The following HMX1 variants were observed in gnomAD, a reference collection of about 807,000 sequenced individuals.
HMX1 encodes H6 family homeobox 1, also known as homeobox protein HMX1.
Under a neutral mutation model 8.9 loss-of-function variants are expected in HMX1, and 8 were observed. The ratio of observed to expected loss-of-function variants is 0.90; its 90% CI spans 0.53 to 1.63. The LOEUF (loss-of-function observed/expected upper bound fraction) is 1.63. HMX1 is among the 40% of genes most tolerant of loss of function. The pLI is 0.00. For missense variants in HMX1, 621 were observed against 558.5 expected (o/e 1.11, Z -1.13); for synonymous variants, 311 against 283.4 (o/e 1.10, Z -0.98).
At chr4:8,846,160 A>G (rs1024855483) in exon 2 of HMX1, 5 of 1,098,300 alleles carry the variant, frequency 4.6e-6, no homozygotes, top group Non-Finnish European at 6.6e-6. Flanking sequence ...TCGGGGGTCC[A>G]GGCTGACAAA....
intron 1 of HMX1, among the ~76,000 whole-genome samples, chr4:8,869,815 A>G (rs1311183789): frequency 6.6e-6 from 1 of 152,172 alleles, no homozygotes; most frequent in African/African-American, 2.4e-5. Context: ...ATGGCACGAA[A>G]TAAGGGGGAG....
At position 8,867,441 on chromosome 4, in the gene HMX1, A is replaced by C; in HGVS notation, c.*252T>G. The C allele has an allele frequency of 6.7e-5, 72 of 1,074,998 alleles. No homozygotes were observed. The highest frequency in any genetic ancestry group is 4.2e-4 in the Middle Eastern group (1 of 2,384). The allele number at this position is 1,074,998 out of a possible 1,614,324, so 66.6% of individuals were successfully genotyped here. Reference sequence around the variant, plus strand: ...CGTGGCGCCGGGGGCTGCGCAGCCCAGAGTCTCTGCATGGCCCCCTGTTCG... The same window carrying C: ...CGTGGCGCCGGGGGCTGCGCAGCCCCGAGTCTCTGCATGGCCCCCTGTTCG... On this transcript the variant is annotated 3_prime_UTR_variant, in exon 2 of 2. Coordinates refer to ENST00000400677, the MANE Select transcript of HMX1 (RefSeq NM_018942.3).
Position 8,867,456 on chromosome 4 carries a change from C to T in HMX1, c.*237G>A. The T allele has an allele frequency of 3.5e-6, 4 of 1,134,864 alleles. No homozygotes were observed. Among genetic ancestry groups the T allele is most frequent in the Non-Finnish European group, 4.3e-6 (4 of 926,942 alleles). 70.3% of individuals were successfully genotyped at this position (1,134,864 alleles called of 1,614,324 possible). On this transcript the variant is annotated 3_prime_UTR_variant, in exon 2 of 2. Transcript: ENST00000400677. ...TGCGCAGCCCAGAGTCTCTGCATGG[C>T]CCCCTGTTCGAGTGGGGATCCAGCC...
rs1236194306 is a variant in HMX1, at chr4:8,870,402, T to A, written c.394+819A>T. ...CAAGGGGGCAAAGGGGTTCTGGGGT[T>A]GAGAACCCCCAGCCCCAGTCTCAAG... On this transcript the variant is annotated intron_variant, in intron 1 of 1. Transcript: ENST00000400677. This position sits in a 1 kb window ranked among gnomAD's most constrained non-coding sequence, Gnocchi z 4.4. Among the ~76,000 whole-genome samples, 1 of 151,418 alleles carries A rather than the reference T, an allele frequency of 6.6e-6. No homozygotes were observed. Among genetic ancestry groups the A allele is most frequent in the East Asian group, 2.0e-4 (1 of 5,128 alleles).
chr4:8,855,262 A>G (rs1026022997), intron 1 of HMX1, among the ~76,000 whole-genome samples: 2 of 152,118 alleles, frequency 1.3e-5, no homozygotes, highest in African/African-American at 4.8e-5. Context: ...GCTGACCTCC[A>G]CTGTGTGGCT....
intron 1 of HMX1, among the ~76,000 whole-genome samples, chr4:8,851,914 ACAGCTCCAGG>A (rs946286498): frequency 6.6e-6 from 1 of 152,202 alleles, no homozygotes; most frequent in Non-Finnish European, 1.5e-5. Context: ...CGGGCTGGAG[ACAGCTCCAGG>A]CAGAGATGGG....
intron 1 of HMX1, among the ~76,000 whole-genome samples, chr4:8,855,482 A>C (rs992783686): frequency 5.3e-5 from 8 of 152,172 alleles, no homozygotes; most frequent in Non-Finnish European, 1.2e-4. Flanking sequence ...GCTGGGGGCC[A>C]GGCGGGAGGT....
chr4:8,864,510 C>A (rs946782884), downstream of HMX1, among the ~76,000 whole-genome samples: 2 of 152,202 alleles, frequency 1.3e-5, no homozygotes, highest in Non-Finnish European at 1.5e-5. Context: ...GTGGAGCCAA[C>A]GCGCTCGAGG....
intron 1 of HMX1, among the ~76,000 whole-genome samples, chr4:8,852,701 A>T (rs958927901): frequency 1.5e-4 from 23 of 152,232 alleles, no homozygotes; most frequent in Non-Finnish European, 2.8e-4. Context: ...AACTGACAGC[A>T]TTCTCTTTTG....
intron 1 of HMX1, among the ~76,000 whole-genome samples, chr4:8,857,827 C>G (rs1456275813): frequency 6.6e-6 from 1 of 152,142 alleles, no homozygotes; most frequent in African/African-American, 2.4e-5. Context: ...TGCCCTTGCC[C>G]CTGCCCAGAG....
At chr4:8,858,005 G>A (rs968119236) in intron 1 of HMX1, among the ~76,000 whole-genome samples, 5 of 151,944 alleles carry the variant, frequency 3.3e-5, no homozygotes, top group Non-Finnish European at 7.4e-5. Context: ...TAACGAAAAA[G>A]AAGTTGAAGC....
chr4:8,863,616 A>G (rs1420420948), downstream of HMX1, among the ~76,000 whole-genome samples: 1 of 151,142 alleles, frequency 6.6e-6, no homozygotes, highest in Non-Finnish European at 1.5e-5. Flanking sequence ...GCAAAGGCCA[A>G]GCTGGGTGGA....
chr4:8,849,852 C>T lies in HMX1; in HGVS notation c.395-3528G>A, dbSNP rs2109452879. On this transcript the variant is annotated intron_variant, in intron 1 of 1. Coordinates refer to the HMX1 transcript ENST00000506970. This position sits in a 1 kb window ranked among gnomAD's most constrained non-coding sequence, Gnocchi z 6.6. ...GTCTGCCATTTGTCATTTAACTCCACCCTCAGCCCGGAGTCTTCAGATGAG... is the reference window on the plus strand; with the variant it reads ...GTCTGCCATTTGTCATTTAACTCCATCCTCAGCCCGGAGTCTTCAGATGAG... 6.6e-6 allele frequency among the ~76,000 whole-genome samples: 1 copy of T among 152,332 alleles called. No individual in the cohort carries two copies. Among genetic ancestry groups the T allele is most frequent in the South Asian group, 2.1e-4 (1 of 4,828 alleles).
downstream of HMX1, among the ~76,000 whole-genome samples, chr4:8,862,584 T>A (rs1342721815): frequency 1.3e-5 from 2 of 152,196 alleles, no homozygotes; most frequent in Non-Finnish European, 2.9e-5. Flanking sequence ...CATAAATGCA[T>A]TTTCACTGAT....
At chr4:8,865,876 C>G (rs1721981035), downstream of HMX1, among the ~76,000 whole-genome samples, 1 of 152,198 alleles carries the variant, frequency 6.6e-6, no homozygotes, top group Non-Finnish European at 1.5e-5. Context: ...GCGAGGGAGC[C>G]CGGACACAAG....
In HMX1 at chr4:8,848,283, A is replaced by G. The variant is rs1438014913; in HGVS notation, c.395-1959T>C. Among the ~76,000 whole-genome samples, 1 of 152,194 alleles carries G rather than the reference A, an allele frequency of 6.6e-6. No homozygotes were observed. The highest frequency in any genetic ancestry group is 1.5e-5 in the Non-Finnish European group (1 of 68,028). ...GCATACTGAAATGGTAATTTTGAAC[A>G]TGTTGGATGAAATTATCATTTATTT... On this transcript the variant is annotated intron_variant, in intron 1 of 1. Transcript: ENST00000506970. The surrounding 1 kb of genome is among the most constrained non-coding windows in gnomAD (Gnocchi z 4.1).
At chr4:8,851,191 C>A (rs1721438761) in intron 1 of HMX1, among the ~76,000 whole-genome samples, 1 of 152,186 alleles carries the variant, frequency 6.6e-6, no homozygotes, top group South Asian at 2.1e-4. Context: ...TGGTTTGGGG[C>A]CTTACAACAC....
At position 8,868,949 on chromosome 4, in the gene HMX1, G is replaced by A. The variant is rs539447109; in HGVS notation, c.395-604C>T. On this transcript the variant is annotated intron_variant, in intron 1 of 1. Transcript: ENST00000400677. The surrounding 1 kb of genome is among the most constrained non-coding windows in gnomAD (Gnocchi z 4.6). The stretch of plus-strand genomic sequence containing the variant: ...AGTAGGAGGACAAACCAATGCAAAG[G>A]ATCCCCAAAAGAGAACTCCCATCAG... Among the ~76,000 whole-genome samples the A allele has an allele frequency of 6.6e-6, 1 of 152,014 alleles. No homozygotes were observed. Among genetic ancestry groups the A allele is most frequent in the Non-Finnish European group, 1.5e-5 (1 of 68,010 alleles).
At chr4:8,856,984 T>A (rs1721626049) in intron 1 of HMX1, among the ~76,000 whole-genome samples, 1 of 152,036 alleles carries the variant, frequency 6.6e-6, no homozygotes, top group Non-Finnish European at 1.5e-5. Context: ...ACTCGGAGAC[T>A]GAGATGGGAG....
Sources: allele counts gnomAD v4.1 joint callset (sites outside exome capture counted in the v4.1 genomes callset), GRCh38; gene constraint gnomAD v4.1.1; non-coding constraint Gnocchi (gnomAD v3.1); transcripts MANE v1.5; gene names NCBI Gene and HGNC (gene_info 2026-07-23, HGNC 2026-07-21).